ZNF385D: variants seen among roughly 807,000 people sequenced by gnomAD.
ZNF385D encodes the protein zinc finger protein 385D, also known as zinc finger protein 659.
ZNF385D carries 15 observed loss-of-function variants against 35.8 expected under a neutral mutation model. The observed-to-expected ratio is 0.42, with a 90% CI of 0.28 to 0.64. The LOEUF (loss-of-function observed/expected upper bound fraction) is 0.64. Among genes scored for constraint, ZNF385D ranks in the 30% least tolerant of loss-of-function variants. ZNF385D has a pLI of 0.23. For missense variants in ZNF385D, 474 were observed against 494.6 expected, an observed-to-expected ratio of 0.96 and a Z score of 0.39; for synonymous variants, 212 against 186.8, an observed-to-expected ratio of 1.13 and a Z score of -1.10.
chr3:21,807,207 A>C (rs887966393), intron 3 of ZNF385D, among the ~76,000 whole-genome samples: 3 of 152,236 alleles, frequency 2.0e-5, no homozygotes, highest in Non-Finnish European at 4.4e-5. Context: ...TAAAATATCC[A>C]AATCATTATT....
At chr3:22,172,210 G>C (rs142391241) in intron 2 of ZNF385D, among the ~76,000 whole-genome samples, 1 of 152,260 alleles carries the variant, frequency 6.6e-6, no homozygotes, top group East Asian at 1.9e-4. Context: ...GGTATAGACA[G>C]CACTATTTAA....
intron 3 of ZNF385D, among the ~76,000 whole-genome samples, chr3:21,792,516 A>T (rs1272156388): frequency 6.6e-6 from 1 of 152,198 alleles, no homozygotes; most frequent in African/African-American, 2.4e-5. Flanking sequence ...CTGCCATGGA[A>T]TACCTAAAAT....
intron 4 of ZNF385D, among the ~76,000 whole-genome samples, chr3:21,509,010 C>T (rs982377093): frequency 6.7e-6 from 1 of 149,970 alleles, no homozygotes; most frequent in South Asian, 2.1e-4. Context: ...TGGAGTCTCG[C>T]TCTATCGCCC....
chr3:21,904,947 A>T (rs894349255), intron 3 of ZNF385D, among the ~76,000 whole-genome samples: 1 of 152,080 alleles, frequency 6.6e-6, no homozygotes, highest in Non-Finnish European at 1.5e-5. Context: ...TTTATCTGAA[A>T]GTACAAGAAA....
intron 3 of ZNF385D, among the ~76,000 whole-genome samples, chr3:22,041,760 T>C (rs1472742529): frequency 1.3e-5 from 2 of 152,124 alleles, no homozygotes; most frequent in Admixed American, 6.6e-5. Context: ...ACTGAAGAGC[T>C]GGTGTCTATT....
intron 1 of ZNF385D, among the ~76,000 whole-genome samples, chr3:21,746,492 C>A (rs2069776498): frequency 6.6e-6 from 1 of 152,178 alleles, no homozygotes; most frequent in African/African-American, 2.4e-5. Context: ...TTATTCATGA[C>A]CCTTTCTGAT....
At chr3:21,571,214 T>G (rs1559417978) in intron 2 of ZNF385D, among the ~76,000 whole-genome samples, 8 of 152,220 alleles carry the variant, frequency 5.3e-5, no homozygotes, top group Non-Finnish European at 8.8e-5. Context: ...CTTTTGCACT[T>G]CATAAAAATA....
At chr3:22,251,111 T>C (rs1700039832) in intron 2 of ZNF385D, among the ~76,000 whole-genome samples, 1 of 152,138 alleles carries the variant, frequency 6.6e-6, no homozygotes, top group African/African-American at 2.4e-5. Context: ...TTATTCAGGT[T>C]AGGAAAAAAT....
chr3:21,507,356 T>G (rs1028823030), intron 4 of ZNF385D, among the ~76,000 whole-genome samples: 6 of 152,144 alleles, frequency 3.9e-5, no homozygotes, highest in African/African-American at 1.4e-4. Flanking sequence ...TTTTAAAATA[T>G]ATATATAATT....
rs77819710 is a variant in ZNF385D, at chr3:21,930,448, C to T, written c.325+238369G>A. 5.0e-3 allele frequency among the ~76,000 whole-genome samples: 767 copies of T among 152,130 alleles called. 8 individuals carry two copies. Among genetic ancestry groups the T allele is most frequent in the African/African-American group, 0.018 (731 of 41,530 alleles). On this transcript the variant is annotated intron_variant, in intron 3 of 5. Coordinates refer to the ZNF385D transcript ENST00000494108. ...AAAGAAATAGATACTCTGGACTTCA[C>T]TCTAATTTCAAAAATTTGGGCTTCA...
Position 21,560,206 on chromosome 3 carries a change from G to A in ZNF385D, c.276+4368C>T, listed in dbSNP as rs571460554. ...CATCCTGTTTTGTTCTCTTACTGGC[G>A]AGGAGTTGTGATCCTTTGGAGGAGA... On this transcript the variant is annotated intron_variant, in intron 3 of 7. Transcript: ENST00000281523. Among the ~76,000 whole-genome samples the A allele has an allele frequency of 1.8e-4, 27 of 152,208 alleles. No homozygotes were observed. The East Asian group carries it at 2.1e-3, about 12-fold the overall frequency.
intron 2 of ZNF385D, among the ~76,000 whole-genome samples, chr3:21,635,437 G>A (rs1246483892): frequency 1.3e-5 from 2 of 152,030 alleles, no homozygotes; most frequent in African/African-American, 2.4e-5. Context: ...AAGAAACTGA[G>A]TTACAATGAA....
At chr3:22,309,158 G>A (rs920369070) in intron 2 of ZNF385D, among the ~76,000 whole-genome samples, 4 of 152,008 alleles carry the variant, frequency 2.6e-5, no homozygotes, top group African/African-American at 4.8e-5. Flanking sequence ...TTAATCTCCA[G>A]GCTATTCACC....
intron 3 of ZNF385D, among the ~76,000 whole-genome samples, chr3:21,854,422 C>A (rs988255072): frequency 6.6e-6 from 1 of 151,942 alleles, no homozygotes; most frequent in Admixed American, 6.6e-5. Context: ...TGGAGAGAAT[C>A]AGATAATTCT....
chr3:22,313,279 T>C (rs28825497), intron 2 of ZNF385D, among the ~76,000 whole-genome samples: 6,439 of 148,358 alleles, frequency 0.043, 404 homozygotes, highest in African/African-American at 0.14. Flanking sequence ...GGGATAGCAT[T>C]AGGAGATATA....
At chr3:21,839,048 T>C (rs1349739648) in intron 3 of ZNF385D, among the ~76,000 whole-genome samples, 1 of 152,056 alleles carries the variant, frequency 6.6e-6, no homozygotes, top group Non-Finnish European at 1.5e-5. Context: ...ATATTTTTAA[T>C]AATAATTAAA....
At position 22,177,609 on chromosome 3, in the gene ZNF385D, T is replaced by C. The variant is rs116648712; in HGVS notation, c.107-8574A>G. 5.2e-3 allele frequency among the ~76,000 whole-genome samples: 790 copies of C among 152,204 alleles called. 8 individuals carry two copies. Among genetic ancestry groups the C allele is most frequent in the African/African-American group, 0.018 (743 of 41,528 alleles). On this transcript the variant is annotated intron_variant, in intron 2 of 5. Coordinates refer to the ZNF385D transcript ENST00000494108. ...TTTTTTTTATTATTATACTTTTAAG[T>C]TTCAGGGTTTAAGTGCACAATGTGC... is the stretch of plus-strand genomic sequence containing the variant.
At chr3:21,706,277 T>C (rs920317849) in intron 1 of ZNF385D, among the ~76,000 whole-genome samples, 4 of 152,112 alleles carry the variant, frequency 2.6e-5, no homozygotes, top group Admixed American at 2.6e-4. Context: ...TTTTTTTTTT[T>C]CCTAATAGCT....
intron 2 of ZNF385D, among the ~76,000 whole-genome samples, chr3:22,216,689 C>G (rs1384088424): frequency 6.6e-6 from 1 of 152,142 alleles, no homozygotes; most frequent in Non-Finnish European, 1.5e-5. Flanking sequence ...GTAGTAAAGT[C>G]TGCTTGCAGC....
Sources: allele counts gnomAD v4.1 joint callset (sites outside exome capture counted in the v4.1 genomes callset), GRCh38; gene constraint gnomAD v4.1.1; transcripts MANE v1.5; gene names NCBI Gene and HGNC (gene_info 2026-07-23, HGNC 2026-07-21).